CYP2B6: variants seen among roughly 807,000 people sequenced by gnomAD.
CYP2B6 encodes cytochrome P450 2B6.
In CYP2B6, 35 loss-of-function variants were observed where a neutral mutation model predicts 43.4. The observed-to-expected ratio is 0.81, with a 90% CI of 0.62 to 1.07. CYP2B6 has a LOEUF of 1.07. Among genes scored for constraint, CYP2B6 ranks in the 50% least tolerant of loss-of-function variants. The pLI is 0.00. For synonymous variants in CYP2B6, 239 were observed against 239.2 expected (o/e 1.00, Z 0.01); for missense variants, 624 against 632.8 (o/e 0.99, Z 0.15).
At chr19:41,001,189 A>C (rs1008741581) in intron 1 of CYP2B6, among the ~76,000 whole-genome samples, 1 of 152,094 alleles carries the variant, frequency 6.6e-6, no homozygotes, top group African/African-American at 2.4e-5. Flanking sequence ...TCCTAGACTA[A>C]AGCTGCTTAA....
chr19:41,003,400 A>G (rs928367075), intron 1 of CYP2B6, among the ~76,000 whole-genome samples: 93 of 152,138 alleles, frequency 6.1e-4, no homozygotes, highest in African/African-American at 2.1e-3. Context: ...GGTGAGAGAT[A>G]TCATCATCCT....
intron 1 of CYP2B6, among the ~76,000 whole-genome samples, chr19:40,993,452 C>T (rs990156163): frequency 4.6e-5 from 7 of 152,120 alleles, no homozygotes; most frequent in African/African-American, 1.4e-4. Flanking sequence ...ACCTTCTTCA[C>T]AAGGTGGCAG....
Position 41,007,082 on chromosome 19 carries a change from G to C in CYP2B6, c.645+17G>C, listed in dbSNP as rs1969201999. 6.2e-7 allele frequency: 1 copy of C among 1,613,882 alleles called. No homozygotes were observed. The highest frequency in any genetic ancestry group is 1.6e-4 in the Middle Eastern group (1 of 6,062). On this transcript the variant is annotated intron_variant, in intron 4 of 8. Transcript: ENST00000324071. Reference sequence around the variant, plus strand: ...TTCGGCCAGGTCAGGGAGACGGAGAGGGACAGGGGGTGTGGGGGTGAGGTG... The same window carrying C: ...TTCGGCCAGGTCAGGGAGACGGAGACGGACAGGGGGTGTGGGGGTGAGGTG...
Position 41,016,832 on chromosome 19 carries a change from G to T in CYP2B6, c.*5G>T. The T allele has an allele frequency of 3.7e-6, 6 of 1,613,474 alleles. No homozygotes were observed. The highest frequency in any genetic ancestry group is 4.2e-6 in the Non-Finnish European group (5 of 1,179,664). ...ATCCGCTTCCTGCCCCGCTGAAGGG[G>T]CTGAGGGAAGGGGGTCAAAGGATTC... On this transcript the variant is annotated 3_prime_UTR_variant, in exon 9 of 9. Transcript: ENST00000324071.
Position 41,004,366 on chromosome 19 carries a change from T to C in CYP2B6, c.404T>C (p.Phe135Ser). Reference protein sequence around the residue: ...RRFSVTTMRDFGMGKRSVEER... With the variant: ...RRFSVTTMRDSGMGKRSVEER... ...TTCTCTGTGACCACTATGAGGGACT[T>C]CGGGATGGGAAAGCGGAGTGTGGAG... The change falls in exon 3 of 9, where the codon TTC (phenylalanine) becomes TCC (serine). Residue 135 changes from phenylalanine (F) to serine (S), a missense_variant. Transcript: ENST00000324071. The C allele has an allele frequency of 6.2e-7, 1 of 1,613,892 alleles. No individual in the cohort carries two copies. The highest frequency in any genetic ancestry group is 8.5e-7 in the Non-Finnish European group (1 of 1,179,976).
At chr19:41,003,410 T>C (rs1568559649) in intron 1 of CYP2B6, among the ~76,000 whole-genome samples, 1 of 152,158 alleles carries the variant, frequency 6.6e-6, no homozygotes. Context: ...ATCATCATCC[T>C]ACTCAGAATG....
intron 1 of CYP2B6, among the ~76,000 whole-genome samples, chr19:40,999,371 T>C (rs1969047294): frequency 6.6e-6 from 1 of 152,018 alleles, no homozygotes; most frequent in South Asian, 2.1e-4. Flanking sequence ...TTTTGTAGGT[T>C]GCCTGTTCAC....
chr19:41,010,294 G>A lies in CYP2B6; in HGVS notation c.964+159G>A, dbSNP rs191412550. On this transcript the variant is annotated intron_variant, in intron 6 of 8. Transcript: ENST00000324071. The stretch of plus-strand genomic sequence containing the variant: ...GATTCCAACCAAGCCAATTCTGTTG[G>A]TGGATGCATGGATGCATGAAGAATC... Among the ~76,000 whole-genome samples, 154 of 152,262 alleles carry A rather than the reference G, an allele frequency of 1.0e-3. 1 individual carries two copies. Among genetic ancestry groups the A allele is most frequent in the Middle Eastern group, 3.4e-3 (1 of 294 alleles).
At chr19:41,008,066 T>A (rs1028683822) in intron 4 of CYP2B6, among the ~76,000 whole-genome samples, 1 of 151,898 alleles carries the variant, frequency 6.6e-6, no homozygotes, top group Admixed American at 6.6e-5. Flanking sequence ...TTTTTTTTTT[T>A]AACTTTCCCC....
rs539960818 is a variant in CYP2B6 at position 41,002,633 on chromosome 19, C to T, written c.172-1368C>T. 1.3e-4 allele frequency among the ~76,000 whole-genome samples: 20 copies of T among 152,224 alleles called. 1 individual carries two copies. The highest frequency in any genetic ancestry group is 4.1e-4 in the African/African-American group (17 of 41,512). ...CACTATCTCGCCTCACTGCAACCTC[C>T]GCCTCCCCGGGCTCAAGCAATTCTC... is the stretch of plus-strand genomic sequence containing the variant. On this transcript the variant is annotated intron_variant, in intron 1 of 8. Coordinates refer to ENST00000324071, the MANE Select transcript of CYP2B6 (RefSeq NM_000767.5).
At position 41,006,955 on chromosome 19, in the gene CYP2B6, A is replaced by T; in HGVS notation, c.535A>T (p.Ile179Phe). 6.2e-7 allele frequency: 1 copy of T among 1,614,044 alleles called. No homozygotes were observed. The highest frequency in any genetic ancestry group is 8.5e-7 in the Non-Finnish European group (1 of 1,180,026). ...FLFQSITANI[I>F]CSIVFGKRFH... The stretch of plus-strand genomic sequence containing the variant: ...CTTCCAGTCCATTACCGCCAACATC[A>T]TCTGCTCCATCGTCTTTGGAAAACG... Residue 179 changes from isoleucine to phenylalanine, a missense_variant, in exon 4 of 9, where the codon ATC (isoleucine) becomes TTC (phenylalanine). Coordinates refer to ENST00000324071, the MANE Select transcript of CYP2B6 (RefSeq NM_000767.5).
intron 2 of CYP2B6, 26 bp from the exon 3 acceptor site, chr19:41,004,271 C>G: frequency 6.2e-7 from 1 of 1,613,778 alleles, no homozygotes. Flanking sequence ...CTTCTACAAC[C>G]AACCCACACC....
chr19:41,011,008 T>C (rs1969275407), intron 6 of CYP2B6, among the ~76,000 whole-genome samples: 2 of 151,744 alleles, frequency 1.3e-5, no homozygotes, highest in African/African-American at 4.9e-5. Flanking sequence ...TCATTTATGA[T>C]TCATCTAAGG....
At chr19:41,005,113 C>T (rs1334783293) in intron 3 of CYP2B6, among the ~76,000 whole-genome samples, 2 of 152,236 alleles carry the variant, frequency 1.3e-5, no homozygotes, top group Non-Finnish European at 2.9e-5. Flanking sequence ...AAATAATGAA[C>T]TGTGTTTTCC....
At chr19:41,016,585 T>C in intron 8 of CYP2B6, 61 bp from the exon 9 acceptor site, 2 of 1,567,044 alleles carry the variant, frequency 1.3e-6, no homozygotes, top group Non-Finnish European at 1.8e-6. Flanking sequence ...CTTAGGGACA[T>C]GGCAGAGCGA....
At chr19:40,998,510 T>C (rs1313761936) in intron 1 of CYP2B6, among the ~76,000 whole-genome samples, 1 of 150,268 alleles carries the variant, frequency 6.7e-6, no homozygotes, top group Admixed American at 6.6e-5. Flanking sequence ...GCCATGCTGG[T>C]GCGCTGCACC....
chr19:40,997,386 T>G (rs1248251441), intron 1 of CYP2B6, among the ~76,000 whole-genome samples: 1 of 152,142 alleles, frequency 6.6e-6, no homozygotes, highest in Non-Finnish European at 1.5e-5. Context: ...ACCTTCCAGC[T>G]CCTCTTCCCC....
At chr19:40,993,532 T>C (rs886893251) in intron 1 of CYP2B6, among the ~76,000 whole-genome samples, 5 of 152,140 alleles carry the variant, frequency 3.3e-5, no homozygotes, top group Non-Finnish European at 5.9e-5. Context: ...ACTCACTCAC[T>C]ATCACAAGAA....
At chr19:40,999,181 T>G (rs1355519531) in intron 1 of CYP2B6, among the ~76,000 whole-genome samples, 2 of 152,166 alleles carry the variant, frequency 1.3e-5, no homozygotes, top group African/African-American at 4.8e-5. Context: ...GCCATTGATG[T>G]TGAGCATTTT....
Sources: allele counts gnomAD v4.1 joint callset (sites outside exome capture counted in the v4.1 genomes callset), GRCh38; gene constraint gnomAD v4.1.1; transcripts MANE v1.5; gene names NCBI Gene and HGNC (gene_info 2026-07-23, HGNC 2026-07-21).